SMOC1: variants seen among roughly 807,000 people sequenced by gnomAD.
SMOC1 encodes the protein SPARC related modular calcium binding 1.
SMOC1 carries 22 observed loss-of-function variants against 56.3 expected under a neutral mutation model. The ratio of observed to expected loss-of-function variants is 0.39; its 90% CI spans 0.28 to 0.56. SMOC1 has a LOEUF of 0.56. Among genes scored for constraint, SMOC1 ranks in the 20% least tolerant of loss-of-function variants. The pLI, the probability that SMOC1 is intolerant of heterozygous loss-of-function variation, is 0.61. For missense variants in SMOC1, 509 were observed against 565.4 expected (o/e 0.90, Z 1.01); for synonymous variants, 193 against 215.0 (o/e 0.90, Z 0.89).
intron 5 of SMOC1, among the ~76,000 whole-genome samples, chr14:69,979,609 G>GT (rs1401047842): frequency 1.4e-5 from 2 of 144,744 alleles, no homozygotes; most frequent in Non-Finnish European, 3.2e-5. Context: ...TGTGTGTGTT[G>GT]TTTTTTTTCT....
chr14:69,889,992 C>T (rs1311686157), intron 1 of SMOC1, among the ~76,000 whole-genome samples: 1 of 152,182 alleles, frequency 6.6e-6, no homozygotes, highest in Non-Finnish European at 1.5e-5. Flanking sequence ...TTAAGTTTAG[C>T]TGATTAGAAC....
Position 69,886,019 on chromosome 14 carries a change from A to T in SMOC1, c.99+6242A>T. ...TCTTTTGGGCTGGATGTCCTGTCCA[A>T]TGCCAAAATTCTTAGGCCTTTTCTC... On this transcript the variant is annotated intron_variant, in intron 1 of 11. Coordinates refer to ENST00000361956, the MANE Select transcript of SMOC1 (RefSeq NM_001034852.3). The T allele has an allele frequency of 3.8e-6, 6 of 1,585,324 alleles. No homozygotes were observed. The South Asian group carries it at 6.6e-5, about 17-fold the overall frequency.
At chr14:69,913,088 G>A (rs1251963766) in intron 1 of SMOC1, among the ~76,000 whole-genome samples, 1 of 152,214 alleles carries the variant, frequency 6.6e-6, no homozygotes, top group African/African-American at 2.4e-5. Flanking sequence ...AAAAAACCCA[G>A]ATTATAGCTT....
At chr14:70,026,628 G>A (rs547326793) in intron 11 of SMOC1, among the ~76,000 whole-genome samples, 43 of 152,328 alleles carry the variant, frequency 2.8e-4, no homozygotes, top group South Asian at 1.2e-3. Flanking sequence ...GTGCTTTGGA[G>A]TGCAACTGTC....
chr14:69,899,464 T>A (rs1382388042), intron 1 of SMOC1, among the ~76,000 whole-genome samples: 1 of 152,184 alleles, frequency 6.6e-6, no homozygotes, highest in Non-Finnish European at 1.5e-5. Flanking sequence ...TCCAACTTTG[T>A]AAGATGTTCC....
In SMOC1 at chr14:69,908,889, G is replaced by T. The variant is rs577678817; in HGVS notation, c.99+29112G>T. Among the ~76,000 whole-genome samples, 9 of 151,842 alleles carry T rather than the reference G, an allele frequency of 5.9e-5. No individual in the cohort carries two copies. In the South Asian group the frequency reaches 1.0e-3, roughly 18 times the overall value. On this transcript the variant is annotated intron_variant, in intron 1 of 11. Coordinates refer to ENST00000361956, the MANE Select transcript of SMOC1 (RefSeq NM_001034852.3). ...TTAATCTTAGGTTCTGGGGTGTGGG[G>T]GTGTGTGTGTGTGAGACAAGTCTAT...
In SMOC1 at chr14:69,981,450, C is replaced by G. The variant is rs138384648; in HGVS notation, c.526+3485C>G. Among the ~76,000 whole-genome samples, 282 of 152,290 alleles carry G rather than the reference C, an allele frequency of 1.9e-3. 1 individual carries two copies. The highest frequency in any genetic ancestry group is 6.6e-3 in the African/African-American group (274 of 41,558). The stretch of plus-strand genomic sequence containing the variant: ...GTTTGAGTTTCAAATATCCATTGAT[C>G]TGGGGCAATCCCATCCTGGCTGCCC... On this transcript the variant is annotated intron_variant, in intron 5 of 11. Transcript: ENST00000361956.
At chr14:69,994,361 T>C in intron 6 of SMOC1, 39 bp from the exon 7 acceptor site, 1 of 1,520,552 alleles carries the variant, frequency 6.6e-7, no homozygotes, top group East Asian at 2.2e-5. Context: ...CATAGTCTCT[T>C]TGCCCAGACT....
intron 1 of SMOC1, among the ~76,000 whole-genome samples, chr14:69,890,918 T>C (rs1883943699): frequency 6.6e-6 from 1 of 152,206 alleles, no homozygotes; most frequent in Non-Finnish European, 1.5e-5. Context: ...AGTTCGAGAC[T>C]GTTCATAGCA....
At chr14:69,945,815 G>A (rs1416964286) in intron 1 of SMOC1, among the ~76,000 whole-genome samples, 1 of 152,166 alleles carries the variant, frequency 6.6e-6, no homozygotes, top group Non-Finnish European at 1.5e-5. Context: ...TCCAAATTGT[G>A]GACTTCACTC....
chr14:70,002,536 TCATCAGGGGCTCC>T (rs1885005353), intron 7 of SMOC1, among the ~76,000 whole-genome samples: 1 of 152,178 alleles, frequency 6.6e-6, no homozygotes, highest in South Asian at 2.1e-4. Flanking sequence ...GCTCTCCCCC[TCATCAGGGGCTCC>T]CAGAGCCCCT....
chr14:69,916,526 C>A (rs555319674), intron 1 of SMOC1, among the ~76,000 whole-genome samples: 14 of 152,352 alleles, frequency 9.2e-5, no homozygotes, highest in African/African-American at 3.4e-4. Flanking sequence ...TTCTCCTTGG[C>A]TGCCTCTCTG....
In SMOC1 at chr14:70,023,395, C is replaced by T. The variant is rs532611778; in HGVS notation, c.1239C>T (p.Asp413=). The T allele has an allele frequency of 6.2e-7, 1 of 1,614,080 alleles. No individual in the cohort carries two copies. The highest frequency in any genetic ancestry group is 1.1e-5 in the South Asian group (1 of 91,072). ...RFTDYCDLNK[D]KVISLPELKG... ...CCGACTACTGTGACCTGAACAAAGA[C>T]AAGGTCATTTCACTGCCTGAGCTGA... The change falls in exon 11 of 12, where the codon GAC becomes GAT. Residue 413 remains aspartate (D), a synonymous_variant. Transcript: ENST00000361956.
intron 1 of SMOC1, among the ~76,000 whole-genome samples, chr14:69,912,629 C>T (rs769832410): frequency 9.9e-5 from 15 of 152,284 alleles, no homozygotes; most frequent in Non-Finnish European, 1.5e-4. Flanking sequence ...GCCAGGGACC[C>T]AGGTTCCCAC....
rs1172133821 is a variant in SMOC1, at chr14:69,936,416, T to G, written c.100-15722T>G. Reference sequence around the variant, plus strand: ...GAGAGGGCATCTGGGCCTGTAATGCTAATGACACTGTTGAGAAAGGACACT... The same window carrying G: ...GAGAGGGCATCTGGGCCTGTAATGCGAATGACACTGTTGAGAAAGGACACT... On this transcript the variant is annotated intron_variant, in intron 1 of 11. Transcript: ENST00000361956. Among the ~76,000 whole-genome samples the G allele has an allele frequency of 2.0e-5, 3 of 152,266 alleles. No individual in the cohort carries two copies. The East Asian group carries it at 5.8e-4, about 29-fold the overall frequency.
chr14:70,012,664 G>T (rs1566710825), intron 9 of SMOC1, among the ~76,000 whole-genome samples: 1 of 152,178 alleles, frequency 6.6e-6, no homozygotes, highest in Non-Finnish European at 1.5e-5. Flanking sequence ...CCCATTTGGT[G>T]CTGGTGATCG....
In SMOC1 at chr14:69,994,274, T is replaced by G. The variant is rs1884682852; in HGVS notation, c.584-126T>G. The G allele has an allele frequency of 3.7e-6, 3 of 805,170 alleles. No homozygotes were observed. In the East Asian group the frequency reaches 7.3e-5, roughly 20 times the overall value. The allele number at this position is 805,170 out of a possible 1,614,324, so 49.9% of individuals were successfully genotyped here. The stretch of plus-strand genomic sequence containing the variant: ...GGAGGGGAACTGGGAGGAGTGGATG[T>G]GGGAGAGAGCTGAAGCCTCAATGCC... On this transcript the variant is annotated intron_variant, in intron 6 of 11. Transcript: ENST00000361956.
chr14:70,011,824 G>C (rs570866213), intron 9 of SMOC1, among the ~76,000 whole-genome samples: 1 of 152,216 alleles, frequency 6.6e-6, no homozygotes, highest in Non-Finnish European at 1.5e-5. Context: ...TCCACAATGC[G>C]TTGTCCATCT....
At chr14:69,881,659 CAAAT>C (rs764030224) in intron 1 of SMOC1, among the ~76,000 whole-genome samples, 5 of 151,964 alleles carry the variant, frequency 3.3e-5, no homozygotes, top group Non-Finnish European at 5.9e-5. Context: ...CTCTCTCACT[CAAAT>C]ACATACATGC....
Sources: gnomAD v4.1 joint callset for allele counts (sites outside exome capture counted in the v4.1 genomes callset) on GRCh38, gnomAD v4.1.1 for gene constraint, MANE v1.5 for transcripts, NCBI Gene and HGNC (gene_info 2026-07-23, HGNC 2026-07-21) for gene names.